Variants in PARD3B observed in about 807,000 individuals in gnomAD.
The protein encoded by PARD3B is partitioning defective 3 homolog B.
In PARD3B, 103 loss-of-function variants were observed where a neutral mutation model predicts 130.2. The ratio of observed to expected loss-of-function variants is 0.79; its 90% CI spans 0.67 to 0.93. The LOEUF (loss-of-function observed/expected upper bound fraction) is 0.93. Ranked by LOEUF, PARD3B falls within the 40% of genes least tolerant of loss-of-function variation. The probability of loss-of-function intolerance (pLI) is 0.00; values close to 1 mark genes in which losing one functional copy is unlikely to be tolerated. For synonymous variants in PARD3B, 583 were observed against 553.2 expected, an observed-to-expected ratio of 1.05 and a Z score of -0.76; for missense variants, 1,609 against 1,499.2, an observed-to-expected ratio of 1.07 and a Z score of -1.21.
At chr2:205,483,652 G>A (rs922573134) in intron 20 of PARD3B, among the ~76,000 whole-genome samples, 7 of 151,944 alleles carry the variant, frequency 4.6e-5, no homozygotes, top group Admixed American at 3.3e-4. Flanking sequence ...GTATTAAAAA[G>A]CATCTTTGAA....
chr2:204,589,006 G>T (rs1465168210), intron 1 of PARD3B, among the ~76,000 whole-genome samples: 1 of 152,034 alleles, frequency 6.6e-6, no homozygotes, highest in Non-Finnish European at 1.5e-5. Flanking sequence ...ATTGACAGAT[G>T]TGATAAAAAT....
At chr2:204,792,990 T>C (rs2042249481) in intron 2 of PARD3B, among the ~76,000 whole-genome samples, 1 of 152,174 alleles carries the variant, frequency 6.6e-6, no homozygotes, top group African/African-American at 2.4e-5. Context: ...GACATTCTTT[T>C]AGATTTCTTT....
At chr2:205,536,812 G>A (rs906335602) in intron 21 of PARD3B, among the ~76,000 whole-genome samples, 1 of 152,158 alleles carries the variant, frequency 6.6e-6, no homozygotes, top group African/African-American at 2.4e-5. Context: ...AAACATCTCA[G>A]GTCAGTGCCC....
chr2:205,383,785 A>G (rs1195272389), intron 18 of PARD3B, among the ~76,000 whole-genome samples: 1 of 152,084 alleles, frequency 6.6e-6, no homozygotes, highest in Non-Finnish European at 1.5e-5. Context: ...CCTGGTATGT[A>G]ATGAATGGAA....
chr2:204,780,143 C>T (rs2041783708), intron 2 of PARD3B, among the ~76,000 whole-genome samples: 1 of 152,280 alleles, frequency 6.6e-6, no homozygotes, highest in South Asian at 2.1e-4. Flanking sequence ...CCATGTCTCT[C>T]TGGGAGGTGT....
chr2:205,529,815 G>A (rs973229311), intron 21 of PARD3B, among the ~76,000 whole-genome samples: 34 of 152,000 alleles, frequency 2.2e-4, no homozygotes, highest in African/African-American at 7.5e-4. Context: ...CATTTTTTAA[G>A]GTTCATTTGA....
rs1174099019 is a variant in PARD3B at position 205,258,688 on chromosome 2, AT to A, written c.2185+12871del. Reference sequence around the variant, plus strand: ...TTTTTCTTGATACGTCTTTTTGCATATTTTTGCTCTCAAACTTTGTGTCCTT... The same window carrying A: ...TTTTTCTTGATACGTCTTTTTGCATATTTTGCTCTCAAACTTTGTGTCCTT... On this transcript the variant is annotated intron_variant, in intron 16 of 22. Transcript: ENST00000406610. The surrounding 1 kb of genome is among the most constrained non-coding windows in gnomAD (Gnocchi z 4.9). 1.3e-4 allele frequency among the ~76,000 whole-genome samples: 20 copies of A among 152,010 alleles called. No homozygotes were observed. The highest frequency in any genetic ancestry group is 4.8e-4 in the African/African-American group (20 of 41,382).
At position 204,545,925 on chromosome 2, in the gene PARD3B, C is replaced by T. The variant is rs1165589851; in HGVS notation, c.-75C>T. 5 of 1,433,876 alleles carry T rather than the reference C, an allele frequency of 3.5e-6. No individual in the cohort carries two copies. Among genetic ancestry groups the T allele is most frequent in the Non-Finnish European group, 3.7e-6 (4 of 1,095,798 alleles). 88.8% of individuals were successfully genotyped at this position (1,433,876 alleles called of 1,614,324 possible). On this transcript the variant is annotated 5_prime_UTR_variant, in exon 1 of 23. Transcript: ENST00000406610. Reference sequence around the variant, plus strand: ...TCTGGGCCCACCCGCCCCGGGCGTCCTCCGAGAGTGGGGGCTGCGCCCGCG... The same window carrying T: ...TCTGGGCCCACCCGCCCCGGGCGTCTTCCGAGAGTGGGGGCTGCGCCCGCG...
chr2:205,358,966 T>C (rs1437913661), intron 18 of PARD3B, among the ~76,000 whole-genome samples: 2 of 152,332 alleles, frequency 1.3e-5, no homozygotes, highest in Admixed American at 1.3e-4. Context: ...TTGAGAAGTG[T>C]TGTCTGTGGC....
At chr2:205,113,765 G>A (rs1703826474) in intron 6 of PARD3B, among the ~76,000 whole-genome samples, 188 bp downstream of exon 6, 1 of 152,044 alleles carries the variant, frequency 6.6e-6, no homozygotes, top group African/African-American at 2.4e-5. Flanking sequence ...AGGATGTAAT[G>A]GGGAAAGAAA....
intron 1 of PARD3B, among the ~76,000 whole-genome samples, chr2:204,553,598 A>ATATGTATATG (rs1357051298): frequency 7.2e-6 from 1 of 138,390 alleles, no homozygotes; most frequent in Non-Finnish European, 1.5e-5. Context: ...ATATACATAT[A>ATATGTATATG]TATGTATATA....
intron 18 of PARD3B, among the ~76,000 whole-genome samples, chr2:205,305,781 T>A (rs1264404655): frequency 6.6e-6 from 1 of 152,142 alleles, no homozygotes; most frequent in Non-Finnish European, 1.5e-5. Context: ...ATCATTTTTA[T>A]GAGAATCATA....
intron 10 of PARD3B, among the ~76,000 whole-genome samples, chr2:205,130,835 C>CA (rs2125645535): frequency 6.6e-6 from 1 of 152,284 alleles, no homozygotes; most frequent in Admixed American, 6.5e-5. Context: ...CCATGTTTGT[C>CA]ATGCTGCTTT....
intron 15 of PARD3B, among the ~76,000 whole-genome samples, chr2:205,207,616 A>G (rs2037391529): frequency 6.9e-6 from 1 of 144,320 alleles, no homozygotes; most frequent in East Asian, 2.0e-4. Flanking sequence ...TAGAAAATCT[A>G]GAAGAAATGG....
rs1157518885 is a variant in PARD3B at position 205,460,189 on chromosome 2, A to G, written c.3044+19517A>G. Among the ~76,000 whole-genome samples the G allele has an allele frequency of 6.6e-6, 1 of 152,168 alleles. No individual in the cohort carries two copies. Among genetic ancestry groups the G allele is most frequent in the Non-Finnish European group, 1.5e-5 (1 of 68,038 alleles). On this transcript the variant is annotated intron_variant, in intron 20 of 22. Transcript: ENST00000406610. The surrounding 1 kb of genome is among the most constrained non-coding windows in gnomAD (Gnocchi z 4.9). ...AAACATTTAAAATGTAAAGCAATAGACTTCAGTAGTAATTTTCAGATCATT... is the reference window on the plus strand; with the variant it reads ...AAACATTTAAAATGTAAAGCAATAGGCTTCAGTAGTAATTTTCAGATCATT...
intron 3 of PARD3B, among the ~76,000 whole-genome samples, chr2:204,998,341 T>G (rs866585615): frequency 1.2e-5 from 1 of 81,574 alleles, no homozygotes. Flanking sequence ...TATATATATA[T>G]ATATATATAT....
At chr2:204,863,226 A>G (rs2045281357) in intron 2 of PARD3B, among the ~76,000 whole-genome samples, 1 of 152,100 alleles carries the variant, frequency 6.6e-6, no homozygotes, top group Non-Finnish European at 1.5e-5. Context: ...GGCCTTATTC[A>G]TTGTTGCATC....
At chr2:205,436,882 T>C (rs1032494780) in intron 19 of PARD3B, among the ~76,000 whole-genome samples, 1 of 152,060 alleles carries the variant, frequency 6.6e-6, no homozygotes, top group Non-Finnish European at 1.5e-5. Context: ...TACTTCTCTT[T>C]TCTCACTACT....
At chr2:205,417,072 C>G (rs1433040266) in intron 19 of PARD3B, among the ~76,000 whole-genome samples, 4 of 109,216 alleles carry the variant, frequency 3.7e-5, no homozygotes, top group African/African-American at 1.4e-4. Context: ...AATGCTATCC[C>G]TCCCCCCTCC....
Sources: gnomAD v4.1 joint callset for allele counts (sites outside exome capture counted in the v4.1 genomes callset) on GRCh38, gnomAD v4.1.1 for gene constraint, Gnocchi (gnomAD v3.1) non-coding constraint, MANE v1.5 for transcripts, NCBI Gene and HGNC (gene_info 2026-07-23, HGNC 2026-07-21) for gene names.